GSDMC: variants seen among roughly 807,000 people sequenced by gnomAD.
GSDMC encodes gasdermin-C.
A neutral mutation model predicts 58.0 loss-of-function variants in GSDMC; 59 were observed. The ratio of observed to expected loss-of-function variants is 1.02; its 90% confidence interval spans 0.82 to 1.26. The LOEUF is 1.26. GSDMC is among the 50% of genes most tolerant of loss of function. The probability of loss-of-function intolerance (pLI) is 0.00; values close to 1 mark genes in which losing one functional copy is unlikely to be tolerated. For missense variants in GSDMC, 659 were observed against 598.5 expected (o/e 1.10, Z -1.06); for synonymous variants, 241 against 220.2 (o/e 1.09, Z -0.83).
rs1187908852 is a variant in GSDMC at position 129,748,312 on chromosome 8, T to C, written c.*189A>G. 2.0e-6 allele frequency: 1 copy of C among 489,986 alleles called. No homozygotes were observed. Among genetic ancestry groups the C allele is most frequent in the African/African-American group, 2.0e-5 (1 of 50,696 alleles). The allele number at this position is 489,986 out of a possible 1,614,324, so 30.4% of individuals were successfully genotyped here. ...AAATATATAAACTCTTGTCAATATA[T>C]AAACTCTTGTCAATATATAGAGTAT... On this transcript the variant is annotated 3_prime_UTR_variant, in exon 14 of 14. Coordinates refer to ENST00000276708, the MANE Select transcript of GSDMC (RefSeq NM_031415.3).
intron 3 of GSDMC, among the ~76,000 whole-genome samples, chr8:129,766,945 G>A (rs182175641): frequency 9.9e-4 from 151 of 152,308 alleles, no homozygotes; most frequent in Admixed American, 2.7e-3. Flanking sequence ...AAGTGGTCAA[G>A]GCTTCAGCAA....
chr8:129,729,923 G>C, the GSDMC span: 760 of 1,418,730 alleles, frequency 5.4e-4, 5 homozygotes, highest in African/African-American at 9.3e-3. Context: ...CAAAAGATTT[G>C]AGAATCAACA....
In GSDMC at chr8:129,751,804, T is replaced by C. The variant is rs1454506373; in HGVS notation, c.916+58A>G. On this transcript the variant is annotated intron_variant, in intron 9 of 13. Coordinates refer to ENST00000276708, the MANE Select transcript of GSDMC (RefSeq NM_031415.3). ...GCGAGGCAGGGGCAATCTGCCCTAC[T>C]TACCCCATGTGTGCAGGATGGGATC... 31 of 1,541,614 alleles carry C rather than the reference T, an allele frequency of 2.0e-5. No homozygotes were observed. In the East Asian group the frequency reaches 6.5e-4, roughly 32 times the overall value.
At chr8:129,776,539 T>C (rs2034232130) in intron 2 of GSDMC, among the ~76,000 whole-genome samples, 1 of 152,164 alleles carries the variant, frequency 6.6e-6, no homozygotes, top group South Asian at 2.1e-4. Context: ...AATAGTGGTG[T>C]CAAATGTACA....
At chr8:129,739,598 G>T in the GSDMC span, among the ~76,000 whole-genome samples, 5 of 152,172 alleles carry the variant, frequency 3.3e-5, no homozygotes, top group South Asian at 8.3e-4. Context: ...AAATCCTATC[G>T]CCTGCTGACG....
chr8:129,761,906 G>A (rs117970244), intron 5 of GSDMC, among the ~76,000 whole-genome samples: 3,083 of 152,316 alleles, frequency 0.02, 49 homozygotes, highest in Non-Finnish European at 0.029. Flanking sequence ...GGATACTATA[G>A]GCAGTAGAGT....
chr8:129,755,917 C>T (rs1413593291), intron 6 of GSDMC, among the ~76,000 whole-genome samples: 1 of 150,060 alleles, frequency 6.7e-6, no homozygotes, highest in African/African-American at 2.4e-5. Flanking sequence ...CAGAGAAAAT[C>T]ACCTTCACTA....
intron 1 of GSDMC, among the ~76,000 whole-genome samples, chr8:129,783,069 A>T (rs146290274): frequency 2.2e-4 from 33 of 152,300 alleles, no homozygotes; most frequent in African/African-American, 7.7e-4. Context: ...AAATCAATCA[A>T]TGTGATACAT....
chr8:129,769,086 G>GGAGAGGAGAA lies in GSDMC; in HGVS notation c.405-3294_405-3293insTTCTCCTCTC, dbSNP rs1195269856. Among the ~76,000 whole-genome samples, 25 of 148,584 alleles carry GGAGAGGAGAA rather than the reference G, an allele frequency of 1.7e-4. No individual in the cohort carries two copies. The South Asian group carries it at 4.0e-3, about 24-fold the overall frequency. On this transcript the variant is annotated intron_variant, in intron 3 of 13. Coordinates refer to ENST00000276708, the MANE Select transcript of GSDMC (RefSeq NM_031415.3). Reference sequence around the variant, plus strand: ...GGGCAAGACCCTGTCACAAAGGAAAGGAGAGGAGAGGAGAGGAGAGGAGAG... The same window carrying GGAGAGGAGAA: ...GGGCAAGACCCTGTCACAAAGGAAAGGAGAGGAGAAGAGAGGAGAGGAGAGGAGAGGAGAG...
the GSDMC span, among the ~76,000 whole-genome samples, chr8:129,726,767 C>T: frequency 2.4e-5 from 3 of 126,136 alleles, no homozygotes; most frequent in Non-Finnish European, 3.5e-5. Context: ...CCAGTCCCTC[C>T]CCCCACCCAC....
the GSDMC span, among the ~76,000 whole-genome samples, chr8:129,735,954 TA>T: frequency 6.6e-6 from 1 of 151,720 alleles, no homozygotes; most frequent in African/African-American, 2.4e-5. Context: ...ATAGACACAA[TA>T]AAAAATGATA....
rs138682534 is a variant in GSDMC at position 129,772,618 on chromosome 8, T to A, written c.404+3484A>T. Among the ~76,000 whole-genome samples, 11 of 152,266 alleles carry A rather than the reference T, an allele frequency of 7.2e-5. No homozygotes were observed. The East Asian group carries it at 2.1e-3, about 29-fold the overall frequency. ...ACATATCATTCACAAGTAAGGTGAT[T>A]AAATCAGTAATCAAAAAAGCTCCGA... On this transcript the variant is annotated intron_variant, in intron 3 of 13. Coordinates refer to ENST00000276708, the MANE Select transcript of GSDMC (RefSeq NM_031415.3).
chr8:129,740,577 T>A, the GSDMC span, among the ~76,000 whole-genome samples: 1 of 152,208 alleles, frequency 6.6e-6, no homozygotes, highest in Non-Finnish European at 1.5e-5. Flanking sequence ...CTTTGAGCAA[T>A]AGGCCATACC....
chr8:129,760,952 G>T (rs1043611408), intron 5 of GSDMC, among the ~76,000 whole-genome samples: 2 of 152,154 alleles, frequency 1.3e-5, no homozygotes, highest in Admixed American at 1.3e-4. Context: ...AGAGAAATAT[G>T]CTGAGGTCTG....
chr8:129,752,048 T>C, intron 8 of GSDMC, 58 bp downstream of exon 8: 4 of 1,523,950 alleles, frequency 2.6e-6, no homozygotes, highest in Non-Finnish European at 3.6e-6. Flanking sequence ...CCAAAGGCAA[T>C]CAGGTGGTTT....
At chr8:129,755,767 T>G (rs2033403460) in intron 6 of GSDMC, among the ~76,000 whole-genome samples, 1 of 152,114 alleles carries the variant, frequency 6.6e-6, no homozygotes, top group Admixed American at 6.6e-5. Context: ...TATTAGTTCA[T>G]TTGTTTATGC....
chr8:129,730,355 A>G, the GSDMC span: 3 of 1,304,442 alleles, frequency 2.3e-6, no homozygotes, highest in African/African-American at 4.5e-5. Flanking sequence ...CTGTTATGCA[A>G]GGAGATTATC....
At chr8:129,711,048 A>G in the GSDMC span, among the ~76,000 whole-genome samples, 1 of 152,216 alleles carries the variant, frequency 6.6e-6, no homozygotes. Context: ...GCCTTTGCTG[A>G]AACCCCTTAT....
chr8:129,735,480 T>C, the GSDMC span, among the ~76,000 whole-genome samples: 1 of 152,090 alleles, frequency 6.6e-6, no homozygotes, highest in Non-Finnish European at 1.5e-5. Flanking sequence ...TGCAATCAAA[T>C]TAGAACTCAG....
Sources: gnomAD v4.1 joint callset for allele counts (sites outside exome capture counted in the v4.1 genomes callset) on GRCh38, gnomAD v4.1.1 for gene constraint, MANE v1.5 for transcripts, NCBI Gene and HGNC (gene_info 2026-07-23, HGNC 2026-07-21) for gene names.